The following KCNIP4 variants were observed in gnomAD, a reference collection of about 807,000 sequenced individuals.
KCNIP4 encodes Kv channel-interacting protein 4.
Under a neutral mutation model 34.0 loss-of-function variants are expected in KCNIP4, and 12 were observed. The observed-to-expected ratio is 0.35, with a 90% CI of 0.23 to 0.57. The LOEUF (loss-of-function observed/expected upper bound fraction) is 0.57, where lower values mean the gene tolerates loss of function less well. KCNIP4 is among the 20% of genes least tolerant of loss of function. The pLI is 0.83. For synonymous variants in KCNIP4, 124 were observed against 102.2 expected, an observed-to-expected ratio of 1.21 and a Z score of -1.29; for missense variants, 238 against 311.7, an observed-to-expected ratio of 0.76 and a Z score of 1.78.
intron 1 of KCNIP4, among the ~76,000 whole-genome samples, chr4:21,108,446 C>T (rs1748798477): frequency 2.6e-5 from 4 of 151,742 alleles, no homozygotes; most frequent in Admixed American, 2.0e-4. Flanking sequence ...CTTTCACCTC[C>T]ATCAGCTCCT....
intron 1 of KCNIP4, among the ~76,000 whole-genome samples, chr4:20,897,357 C>T (rs1289596562): frequency 2.0e-5 from 3 of 152,192 alleles, no homozygotes; most frequent in South Asian, 2.1e-4. Context: ...TCTCCCTTAC[C>T]TCCTTCAGGT....
At chr4:21,608,357 G>GGCT (rs1235218961) in intron 1 of KCNIP4, among the ~76,000 whole-genome samples, 2 of 152,114 alleles carry the variant, frequency 1.3e-5, no homozygotes, top group African/African-American at 4.8e-5. Context: ...TGCTCATTCA[G>GGCT]GCTGCTGGCT....
chr4:21,131,275 T>C (rs1751048366), intron 1 of KCNIP4, among the ~76,000 whole-genome samples: 2 of 152,184 alleles, frequency 1.3e-5, no homozygotes, highest in Admixed American at 1.3e-4. Context: ...TAGATAACTT[T>C]GAACATATGG....
At chr4:21,870,829 G>A (rs1725747714) in intron 1 of KCNIP4, among the ~76,000 whole-genome samples, 1 of 152,120 alleles carries the variant, frequency 6.6e-6, no homozygotes, top group Non-Finnish European at 1.5e-5. Context: ...TTATGATAGA[G>A]GGAGCCATAT....
At chr4:21,524,816 C>T (rs1053554216) in intron 1 of KCNIP4, among the ~76,000 whole-genome samples, 2 of 151,858 alleles carry the variant, frequency 1.3e-5, no homozygotes, top group African/African-American at 4.8e-5. Flanking sequence ...TTTTTTGCAT[C>T]ATGCGTAGTG....
At position 21,365,416 on chromosome 4, in the gene KCNIP4, T is replaced by A. The variant is rs183350645; in HGVS notation, c.62-482707A>T. On this transcript the variant is annotated intron_variant, in intron 1 of 8. Coordinates refer to ENST00000382152, the MANE Select transcript of KCNIP4 (RefSeq NM_025221.6). Reference sequence around the variant, plus strand: ...ATGAGAATCCCTTGAACCTGAAGGGTGCAGTGAGCCAAGATCACACCACTG... The same window carrying A: ...ATGAGAATCCCTTGAACCTGAAGGGAGCAGTGAGCCAAGATCACACCACTG... Among the ~76,000 whole-genome samples the A allele has an allele frequency of 1.7e-3, 254 of 150,590 alleles. 1 individual carries two copies. The highest frequency in any genetic ancestry group is 6.0e-3 in the African/African-American group (245 of 40,938).
chr4:21,871,406 T>C (rs1403130889), intron 1 of KCNIP4, among the ~76,000 whole-genome samples: 1 of 151,278 alleles, frequency 6.6e-6, no homozygotes, highest in African/African-American at 2.4e-5. Context: ...TGTCCATCAA[T>C]GATAGACTGG....
chr4:21,364,478 A>T (rs1719524917), intron 1 of KCNIP4, among the ~76,000 whole-genome samples: 1 of 152,148 alleles, frequency 6.6e-6, no homozygotes, highest in South Asian at 2.1e-4. Context: ...ATTGTTTCCC[A>T]TGCATAGGAA....
chr4:20,805,734 G>T (rs551491581), intron 3 of KCNIP4, among the ~76,000 whole-genome samples: 4 of 152,106 alleles, frequency 2.6e-5, no homozygotes, highest in Admixed American at 1.3e-4. Context: ...TGTCTTTAAT[G>T]GTTCTCATTC....
Position 21,816,312 on chromosome 4 carries a change from C to T in KCNIP4, c.61+132259G>A, listed in dbSNP as rs116678041. Among the ~76,000 whole-genome samples the T allele has an allele frequency of 1.4e-3, 217 of 152,202 alleles. 3 individuals are homozygous for T. Among genetic ancestry groups the T allele is most frequent in the African/African-American group, 4.9e-3 (205 of 41,522 alleles). ...TAGGATTAAACATAACTCTGAATAT[C>T]TATGGACATGTGATTAAACATTATG... On this transcript the variant is annotated intron_variant, in intron 1 of 8. Coordinates refer to ENST00000382152, the MANE Select transcript of KCNIP4 (RefSeq NM_025221.6).
At chr4:21,903,182 T>C (rs889370924) in intron 1 of KCNIP4, among the ~76,000 whole-genome samples, 1 of 152,190 alleles carries the variant, frequency 6.6e-6, no homozygotes, top group African/African-American at 2.4e-5. Flanking sequence ...TTAAATTTGA[T>C]AGAAGTATAG....
chr4:20,874,844 T>C (rs1043086635), intron 2 of KCNIP4, among the ~76,000 whole-genome samples: 1 of 152,304 alleles, frequency 6.6e-6, no homozygotes, highest in African/African-American at 2.4e-5. Flanking sequence ...GTAAAACATA[T>C]AGCCAATATC....
chr4:21,165,580 A>G (rs972428805), intron 1 of KCNIP4, among the ~76,000 whole-genome samples: 2 of 152,142 alleles, frequency 1.3e-5, no homozygotes, highest in Non-Finnish European at 2.9e-5. Flanking sequence ...TAAATATAAA[A>G]TGATACAACT....
intron 1 of KCNIP4, among the ~76,000 whole-genome samples, chr4:21,310,701 G>A (rs868119857): frequency 9.9e-5 from 15 of 151,628 alleles, no homozygotes; most frequent in African/African-American, 3.4e-4. Context: ...GCGCGATTTC[G>A]GGTCATTGCA....
At chr4:21,555,318 T>C (rs777425327) in intron 1 of KCNIP4, among the ~76,000 whole-genome samples, 1 of 152,144 alleles carries the variant, frequency 6.6e-6, no homozygotes, top group Non-Finnish European at 1.5e-5. Context: ...GTATTTGTCA[T>C]GCACATGAGT....
chr4:21,301,609 G>C (rs1046461285), intron 1 of KCNIP4, among the ~76,000 whole-genome samples: 1 of 152,066 alleles, frequency 6.6e-6, no homozygotes, highest in Non-Finnish European at 1.5e-5. Context: ...AAAAGAAATC[G>C]GAATGAAATG....
intron 1 of KCNIP4, among the ~76,000 whole-genome samples, chr4:20,930,219 A>T (rs186892170): frequency 6.6e-6 from 1 of 152,162 alleles, no homozygotes; most frequent in East Asian, 1.9e-4. Context: ...CCAGAAACTT[A>T]ACTAATTTTC....
At chr4:21,313,163 T>G (rs1174533355) in intron 1 of KCNIP4, among the ~76,000 whole-genome samples, 2 of 152,190 alleles carry the variant, frequency 1.3e-5, no homozygotes, top group African/African-American at 4.8e-5. Context: ...ATGCAAATAA[T>G]TGAAACAGGA....
chr4:21,132,853 CA>C (rs71189683), intron 1 of KCNIP4, among the ~76,000 whole-genome samples: 2,522 of 116,598 alleles, frequency 0.022, 54 homozygotes, highest in African/African-American at 0.06. Context: ...TACTAAACGA[CA>C]AAAAAAAAAA....
Sources: allele counts gnomAD v4.1 joint callset (sites outside exome capture counted in the v4.1 genomes callset), GRCh38; gene constraint gnomAD v4.1.1; transcripts MANE v1.5; gene names NCBI Gene and HGNC (gene_info 2026-07-23, HGNC 2026-07-21).